Variants in HDAC9 observed in about 807,000 individuals in gnomAD.
HDAC9 encodes MEF-2 interacting transcription repressor (MITR) protein.
HDAC9 carries 41 observed loss-of-function variants against 139.4 expected under a neutral mutation model. That is an observed-to-expected ratio of 0.29 (90% CI 0.23 to 0.38). HDAC9 has a LOEUF of 0.38. HDAC9 is among the 10% of genes least tolerant of loss of function. HDAC9 has a pLI of 1.00. For synonymous variants in HDAC9, 517 were observed against 476.2 expected (o/e 1.09, Z -1.12); for missense variants, 1,147 against 1,297.0 (o/e 0.88, Z 1.78).
chr7:18,866,202 G>T (rs1235077073), intron 21 of HDAC9, among the ~76,000 whole-genome samples: 1 of 151,286 alleles, frequency 6.6e-6, no homozygotes, highest in Non-Finnish European at 1.5e-5. Context: ...CCCTGAATAT[G>T]TGGAAGACCC....
rs769181791 is a variant in HDAC9, at chr7:18,829,225, C to T, written c.2378+9C>T. The T allele has an allele frequency of 6.2e-7, 1 of 1,605,874 alleles. No individual in the cohort carries two copies. The highest frequency in any genetic ancestry group is 1.3e-5 in the African/African-American group (1 of 74,946). ...GAAGAATCCACAGCCATGTAAGTAC[C>T]AGGGACTGTTGCCCATCTCCAAGCA... On this transcript the variant is annotated intron_variant, in intron 18 of 25. Coordinates refer to ENST00000686413, the MANE Select transcript of HDAC9 (RefSeq NM_178425.4).
chr7:18,582,819 T>A (rs1828239097), intron 2 of HDAC9, among the ~76,000 whole-genome samples: 2 of 152,212 alleles, frequency 1.3e-5, no homozygotes, highest in Non-Finnish European at 2.9e-5. Context: ...TCTTGATACG[T>A]ATTACCAAAT....
intron 2 of HDAC9, among the ~76,000 whole-genome samples, chr7:18,270,821 C>G (rs570206189): frequency 1.3e-5 from 2 of 151,946 alleles, no homozygotes; most frequent in African/African-American, 4.8e-5. Flanking sequence ...GAAAACCAGC[C>G]AAGTCTGAGT....
chr7:18,241,508 C>A (rs1794186270), intron 2 of HDAC9, among the ~76,000 whole-genome samples: 1 of 152,140 alleles, frequency 6.6e-6, no homozygotes, highest in East Asian at 1.9e-4. Flanking sequence ...GTTGCTGCCT[C>A]TTTGTTGTTT....
At chr7:18,228,546 G>A (rs1793227199) in intron 2 of HDAC9, among the ~76,000 whole-genome samples, 1 of 152,156 alleles carries the variant, frequency 6.6e-6, no homozygotes, top group Admixed American at 6.5e-5. Context: ...TGTCTAGAAA[G>A]CTCATCCAGG....
chr7:18,941,687 GTTT>G (rs1782040536), intron 23 of HDAC9, among the ~76,000 whole-genome samples: 1 of 152,066 alleles, frequency 6.6e-6, no homozygotes. Context: ...TCAGAATAGT[GTTT>G]TTCTATGGTT....
intron 1 of HDAC9, among the ~76,000 whole-genome samples, chr7:18,472,315 T>C (rs1418006302): frequency 6.6e-6 from 1 of 152,200 alleles, no homozygotes; most frequent in African/African-American, 2.4e-5. Context: ...TGTCCTTGAT[T>C]AGCTGCCACC....
chr7:18,747,040 A>G (rs1040152487), intron 13 of HDAC9, among the ~76,000 whole-genome samples: 3 of 152,130 alleles, frequency 2.0e-5, no homozygotes, highest in African/African-American at 7.2e-5. Flanking sequence ...AGAAGGAAGA[A>G]TTTCCGGCAT....
chr7:18,216,253 G>A (rs974429468), intron 2 of HDAC9, among the ~76,000 whole-genome samples: 1 of 151,936 alleles, frequency 6.6e-6, no homozygotes, highest in Non-Finnish European at 1.5e-5. Flanking sequence ...GTTCTTATTG[G>A]CATATTTGAA....
chr7:18,485,057 T>C (rs1362171211), intron 1 of HDAC9, among the ~76,000 whole-genome samples: 1 of 152,134 alleles, frequency 6.6e-6, no homozygotes, highest in Non-Finnish European at 1.5e-5. Context: ...AAATAACTAA[T>C]GTTAGCTGAT....
chr7:18,123,783 G>T (rs1032193622), intron 1 of HDAC9, among the ~76,000 whole-genome samples: 1 of 152,132 alleles, frequency 6.6e-6, no homozygotes, highest in Admixed American at 6.6e-5. Context: ...TATTGAACTT[G>T]AATACTAGAG....
At chr7:18,529,109 C>T (rs752558367) in intron 2 of HDAC9, among the ~76,000 whole-genome samples, 1 of 150,540 alleles carries the variant, frequency 6.6e-6, no homozygotes, top group African/African-American at 2.4e-5. Context: ...AACAGCTAAA[C>T]AAAATAACAA....
At chr7:18,879,232 G>A (rs183851920) in intron 22 of HDAC9, among the ~76,000 whole-genome samples, 1 of 152,094 alleles carries the variant, frequency 6.6e-6, no homozygotes, top group Non-Finnish European at 1.5e-5. Context: ...TGGCCGCACT[G>A]CCCAAAGCAA....
intron 2 of HDAC9, among the ~76,000 whole-genome samples, chr7:18,250,620 T>C (rs1794857779): frequency 1.3e-5 from 2 of 152,216 alleles, no homozygotes; most frequent in African/African-American, 4.8e-5. Context: ...ATAAATATTT[T>C]TTAGCAAATG....
At position 18,647,794 on chromosome 7, in the gene HDAC9, T is replaced by G; in HGVS notation, c.1045T>G (p.Ser349Ala). The change falls in exon 10 of 26, where the codon TCA (serine) becomes GCA (alanine). Residue 349 changes from serine to alanine, a missense_variant. Around this residue, in one of 7 missense-constraint regions of HDAC9, gnomAD observed 264 missense variants for 273.8 expected, o/e 0.96. Coordinates refer to ENST00000686413, the MANE Select transcript of HDAC9 (RefSeq NM_178425.4). ...AVPSQLNASN[S>A]LKEKQKCETQ... ...TTATTTCTCAACACAGGCTTCGAAT[T>G]CACTCAAAGAAAAGCAGAAGTGTGA... is the stretch of plus-strand genomic sequence containing the variant. 1 of 1,608,020 alleles carries G rather than the reference T, an allele frequency of 6.2e-7. No individual in the cohort carries two copies. Among genetic ancestry groups the G allele is most frequent in the Non-Finnish European group, 8.5e-7 (1 of 1,176,942 alleles).
chr7:18,460,740 A>C (rs183477019), intron 1 of HDAC9, among the ~76,000 whole-genome samples: 1 of 149,070 alleles, frequency 6.7e-6, no homozygotes, highest in East Asian at 2.0e-4. Context: ...GTGAGCTGAG[A>C]TCGCGCCATT....
At chr7:18,151,596 T>C (rs930203158) in intron 1 of HDAC9, among the ~76,000 whole-genome samples, 1 of 152,214 alleles carries the variant, frequency 6.6e-6, no homozygotes, top group African/African-American at 2.4e-5. Context: ...GCCTATATTG[T>C]ACTGTAATCA....
intron 5 of HDAC9, among the ~76,000 whole-genome samples, chr7:18,592,339 G>T (rs185019945): frequency 6.6e-6 from 1 of 152,076 alleles, no homozygotes; most frequent in Admixed American, 6.6e-5. Context: ...GGTTTTTATA[G>T]AACTGTATTT....
chr7:18,614,076 C>T (rs1837926106), intron 6 of HDAC9, among the ~76,000 whole-genome samples: 1 of 152,078 alleles, frequency 6.6e-6, no homozygotes, highest in South Asian at 2.1e-4. Context: ...TCATTCTAAC[C>T]AGTAGTCGTT....
Sources: allele counts gnomAD v4.1 joint callset (sites outside exome capture counted in the v4.1 genomes callset), GRCh38; gene constraint gnomAD v4.1.1; regional missense constraint gnomAD v4.1.1; transcripts MANE v1.5; gene names NCBI Gene and HGNC (gene_info 2026-07-23, HGNC 2026-07-21).